The following PRKG1 variants were observed in gnomAD, a reference collection of about 807,000 sequenced individuals.
PRKG1 encodes the protein protein kinase cGMP-dependent 1.
PRKG1 carries 35 observed loss-of-function variants against 88.1 expected under a neutral mutation model. The ratio of observed to expected loss-of-function variants is 0.40; its 90% CI spans 0.30 to 0.53. The LOEUF is 0.53. Ranked by LOEUF, PRKG1 falls within the 20% of genes least tolerant of loss-of-function variation. The pLI is 0.59. For synonymous variants in PRKG1, 303 were observed against 292.5 expected, an observed-to-expected ratio of 1.04 and a Z score of -0.37; for missense variants, 540 against 839.8, an observed-to-expected ratio of 0.64 and a Z score of 4.41.
intron 5 of PRKG1, among the ~76,000 whole-genome samples, chr10:51,997,363 C>T (rs574612797): frequency 1.3e-5 from 2 of 150,590 alleles, no homozygotes; most frequent in South Asian, 4.2e-4. Context: ...CCCAGCTACT[C>T]GGGAGGCTGA....
intron 9 of PRKG1, among the ~76,000 whole-genome samples, chr10:52,231,550 C>A (rs1266407742): frequency 2.0e-5 from 3 of 152,168 alleles, no homozygotes; most frequent in African/African-American, 7.2e-5. Flanking sequence ...ACTGAAGAGT[C>A]TTTTGCTTAT....
At chr10:51,843,265 A>G (rs1840324735) in intron 4 of PRKG1, among the ~76,000 whole-genome samples, 1 of 151,994 alleles carries the variant, frequency 6.6e-6, no homozygotes, top group South Asian at 2.1e-4. Context: ...TGTTTTATAT[A>G]TTAGAAACAT....
At chr10:51,506,393 T>C (rs1841205511) in intron 3 of PRKG1, among the ~76,000 whole-genome samples, 1 of 152,110 alleles carries the variant, frequency 6.6e-6, no homozygotes, top group African/African-American at 2.4e-5. Flanking sequence ...AGAAAATTTT[T>C]GCAATCTACT....
intron 5 of PRKG1, among the ~76,000 whole-genome samples, chr10:52,028,918 A>G (rs1296469194): frequency 6.6e-6 from 1 of 152,196 alleles, no homozygotes; most frequent in Non-Finnish European, 1.5e-5. Context: ...CTCTCTGTAC[A>G]GTGAAATTCC....
At position 51,246,318 on chromosome 10, in the gene PRKG1, G is replaced by A. The variant is rs763230010; in HGVS notation, c.478+92988G>A. 8.6e-4 allele frequency among the ~76,000 whole-genome samples: 131 copies of A among 152,008 alleles called. 1 individual carries two copies. The highest frequency in any genetic ancestry group is 1.6e-3 in the Non-Finnish European group (107 of 67,984). On this transcript the variant is annotated intron_variant, in intron 2 of 17. Transcript: ENST00000373980. ...AGAAACTGAAGCTGAAAAGAAATGG[G>A]AGCAGAGGTTGCAAACCCACATGCC...
intron 7 of PRKG1, among the ~76,000 whole-genome samples, chr10:52,077,279 C>A (rs11000712): frequency 1.3e-5 from 2 of 151,702 alleles, no homozygotes; most frequent in South Asian, 4.2e-4. Context: ...AAAATAATTA[C>A]GATGAAAACT....
chr10:52,004,405 A>G (rs1408388447), intron 5 of PRKG1, among the ~76,000 whole-genome samples: 2 of 152,196 alleles, frequency 1.3e-5, no homozygotes, highest in African/African-American at 4.8e-5. Context: ...CAAGATAAAG[A>G]TGATAAGACA....
intron 1 of PRKG1, among the ~76,000 whole-genome samples, chr10:50,994,401 ATTTTTTTTTTT>A (rs562018970): frequency 1.1e-5 from 1 of 87,642 alleles, no homozygotes; most frequent in Non-Finnish European, 2.1e-5. Context: ...CTCACCTGTA[ATTTTTTTTTTT>A]TTTTTTTTTT....
chr10:51,816,537 A>ACGCGTG (rs1554844358), intron 4 of PRKG1, among the ~76,000 whole-genome samples: 148 of 146,038 alleles, frequency 1.0e-3, no homozygotes, highest in African/African-American at 3.7e-3. Flanking sequence ...TAATTTTGGC[A>ACGCGTG]TGTGTGTGTG....
At chr10:51,551,585 G>A (rs1837136210) in intron 3 of PRKG1, among the ~76,000 whole-genome samples, 2 of 151,652 alleles carry the variant, frequency 1.3e-5, no homozygotes, top group African/African-American at 4.8e-5. Flanking sequence ...TGCTGTGGCA[G>A]ATAAATATTC....
chr10:51,600,617 A>G (rs959029236), intron 3 of PRKG1, among the ~76,000 whole-genome samples: 13 of 152,202 alleles, frequency 8.5e-5, no homozygotes, highest in Non-Finnish European at 1.3e-4. Flanking sequence ...TTATCATTTC[A>G]ATCTGTAATA....
chr10:51,299,274 C>T (rs866534167), intron 2 of PRKG1, among the ~76,000 whole-genome samples: 16 of 151,878 alleles, frequency 1.1e-4, no homozygotes, highest in African/African-American at 3.9e-4. Context: ...GGTACGATCT[C>T]GGCTCACTGC....
intron 4 of PRKG1, among the ~76,000 whole-genome samples, chr10:51,882,544 C>T (rs1387620073): frequency 6.6e-6 from 1 of 152,140 alleles, no homozygotes; most frequent in Admixed American, 6.5e-5. Context: ...TGCCTCCTTA[C>T]AAACATCCTG....
chr10:52,146,310 C>T (rs112422532), intron 8 of PRKG1, among the ~76,000 whole-genome samples: 2,271 of 152,200 alleles, frequency 0.015, 22 homozygotes, highest in Non-Finnish European at 0.025. Flanking sequence ...TTGATAATTT[C>T]GTGTCCTTAA....
At chr10:51,698,004 T>C (rs868077797) in intron 3 of PRKG1, 1 of 1,613,224 alleles carries the variant, frequency 6.2e-7, no homozygotes, top group East Asian at 2.2e-5. Context: ...TGCATGCCTG[T>C]TCCTTGTATG....
At chr10:51,884,171 G>A (rs1210622913) in intron 4 of PRKG1, among the ~76,000 whole-genome samples, 1 of 151,830 alleles carries the variant, frequency 6.6e-6, no homozygotes, top group African/African-American at 2.4e-5. Context: ...AGTTGGCCGG[G>A]CGCGGTGGCT....
At chr10:51,524,447 A>G (rs1479281124) in intron 3 of PRKG1, among the ~76,000 whole-genome samples, 7 of 152,226 alleles carry the variant, frequency 4.6e-5, no homozygotes, top group Non-Finnish European at 7.3e-5. Context: ...CACCATAGAT[A>G]ATACATAAAT....
intron 3 of PRKG1, among the ~76,000 whole-genome samples, chr10:51,760,400 G>A (rs1837986580): frequency 6.6e-6 from 1 of 151,774 alleles, no homozygotes; most frequent in Admixed American, 6.6e-5. Flanking sequence ...AGAGAGAATA[G>A]CTTCCAGTCT....
At chr10:51,037,324 T>C (rs571903449) in intron 1 of PRKG1, among the ~76,000 whole-genome samples, 1 of 151,832 alleles carries the variant, frequency 6.6e-6, no homozygotes, top group Non-Finnish European at 1.5e-5. Context: ...AAAAAATTAG[T>C]ATGGCATCCT....
Sources: allele counts gnomAD v4.1 joint callset (sites outside exome capture counted in the v4.1 genomes callset), GRCh38; gene constraint gnomAD v4.1.1; transcripts MANE v1.5; gene names NCBI Gene and HGNC (gene_info 2026-07-23, HGNC 2026-07-21).